Variants in MYO1E observed in about 807,000 individuals in gnomAD.
MYO1E encodes myosin IE, also known as unconventional myosin-Ie.
MYO1E carries 68 observed loss-of-function variants against 151.1 expected under a neutral mutation model. The observed-to-expected ratio is 0.45, with a 90% confidence interval of 0.37 to 0.55. MYO1E has a LOEUF of 0.55. Among genes scored for constraint, MYO1E ranks in the 20% least tolerant of loss-of-function variants. MYO1E has a pLI of 0.00. For missense variants in MYO1E, 1,363 were observed against 1,389.3 expected, an observed-to-expected ratio of 0.98 and a Z score of 0.30; for synonymous variants, 601 against 501.7, an observed-to-expected ratio of 1.20 and a Z score of -2.64.
chr15:59,166,859 CTT>C (rs779948738), intron 22 of MYO1E, among the ~76,000 whole-genome samples: 4 of 152,300 alleles, frequency 2.6e-5, no homozygotes, highest in South Asian at 2.1e-4. Context: ...ACTCTCCTCT[CTT>C]GTGTCCCAGG....
intron 1 of MYO1E, chr15:59,359,861 G>A (rs1397977550): frequency 2.0e-5 from 3 of 152,120 alleles, no homozygotes; most frequent in Admixed American, 6.6e-5. Flanking sequence ...ATAAAACAAA[G>A]CCACTCCTAT....
intron 22 of MYO1E, among the ~76,000 whole-genome samples, 194 bp downstream of exon 22, chr15:59,171,703 C>T (rs2079595741): frequency 6.6e-6 from 1 of 152,184 alleles, no homozygotes; most frequent in Non-Finnish European, 1.5e-5. Context: ...TTTCTTGGTA[C>T]CTTCTTCCTG....
rs1160108093 is a variant in MYO1E, at chr15:59,137,226, C to A, written c.*154G>T. 20 of 725,584 alleles carry A rather than the reference C, an allele frequency of 2.8e-5. No individual in the cohort carries two copies. The highest frequency in any genetic ancestry group is 2.6e-4 in the African/African-American group (15 of 57,532). The allele number at this position is 725,584 out of a possible 1,614,324, so 44.9% of individuals were successfully genotyped here. ...TGATACTCCCTGTCCCCAACCCAGC[C>A]TTTTCAGTGTCCTCCATGGGGAAGG... is the stretch of plus-strand genomic sequence containing the variant. On this transcript the variant is annotated 3_prime_UTR_variant, in exon 28 of 28. Transcript: ENST00000288235.
At chr15:59,156,819 G>C (rs548621096) in intron 25 of MYO1E, among the ~76,000 whole-genome samples, 1 of 152,330 alleles carries the variant, frequency 6.6e-6, no homozygotes, top group Admixed American at 6.5e-5. Context: ...AACATTAAAA[G>C]ATTTTATGTA....
chr15:59,216,501 C>G (rs2079915133), intron 10 of MYO1E, among the ~76,000 whole-genome samples: 1 of 150,764 alleles, frequency 6.6e-6, no homozygotes, highest in Non-Finnish European at 1.5e-5. Flanking sequence ...ACTGGCAGCT[C>G]TACACTGCTG....
intron 1 of MYO1E, among the ~76,000 whole-genome samples, chr15:59,305,892 C>T (rs2080511953): frequency 6.6e-6 from 1 of 152,048 alleles, no homozygotes; most frequent in African/African-American, 2.4e-5. Flanking sequence ...CACTGGGGGC[C>T]CATAAGGATG....
chr15:59,217,350 T>C (rs528772517), intron 10 of MYO1E, among the ~76,000 whole-genome samples: 1 of 151,988 alleles, frequency 6.6e-6, no homozygotes, highest in East Asian at 1.9e-4. Flanking sequence ...TACTAAATAT[T>C]TTGTCCAGAA....
Position 59,235,546 on chromosome 15 carries a change from T to A in MYO1E, c.420+1039A>T, listed in dbSNP as rs567981859. Among the ~76,000 whole-genome samples the A allele has an allele frequency of 8.9e-4, 135 of 152,362 alleles. 1 individual carries two copies. The highest frequency in any genetic ancestry group is 3.1e-3 in the African/African-American group (128 of 41,576). On this transcript the variant is annotated intron_variant, in intron 5 of 27. Coordinates refer to ENST00000288235, the MANE Select transcript of MYO1E (RefSeq NM_004998.4). ...TATTGCTGTATAATATTCTATTATA[T>A]AAAGAACCACAAATTATTTCACCAG...
intron 1 of MYO1E, among the ~76,000 whole-genome samples, chr15:59,326,671 T>G (rs1279511522): frequency 6.6e-6 from 1 of 152,256 alleles, no homozygotes; most frequent in African/African-American, 2.4e-5. Flanking sequence ...AGATTTACAT[T>G]TTCATGATTT....
At chr15:59,176,819 G>A (rs888891994) in intron 19 of MYO1E, among the ~76,000 whole-genome samples, 14 of 152,112 alleles carry the variant, frequency 9.2e-5, no homozygotes, top group African/African-American at 2.9e-4. Flanking sequence ...GGATGTATGC[G>A]TTTGGGGCAG....
At chr15:59,257,122 T>A (rs2080198095) in intron 3 of MYO1E, among the ~76,000 whole-genome samples, 1 of 152,250 alleles carries the variant, frequency 6.6e-6, no homozygotes, top group African/African-American at 2.4e-5. Flanking sequence ...ACTTCAGCCC[T>A]GCTTTATACA....
chr15:59,238,477 TA>T, intron 4 of MYO1E, among the ~76,000 whole-genome samples: 1 of 152,368 alleles, frequency 6.6e-6, no homozygotes, highest in South Asian at 2.1e-4. Flanking sequence ...GAAGATACTA[TA>T]TTTATAACAA....
chr15:59,259,086 C>G (rs2080210858), intron 3 of MYO1E, among the ~76,000 whole-genome samples: 1 of 152,126 alleles, frequency 6.6e-6, no homozygotes, highest in African/African-American at 2.4e-5. Context: ...CATGAGCCAC[C>G]ATGCCCAGTC....
At chr15:59,147,974 C>G (rs2079452082) in intron 26 of MYO1E, among the ~76,000 whole-genome samples, 1 of 152,162 alleles carries the variant, frequency 6.6e-6, no homozygotes, top group Non-Finnish European at 1.5e-5. Context: ...GGCCAGGAAA[C>G]ATCACCTTTC....
At chr15:59,224,202 T>G (rs922971022) in intron 8 of MYO1E, among the ~76,000 whole-genome samples, 10 of 152,154 alleles carry the variant, frequency 6.6e-5, no homozygotes, top group African/African-American at 2.4e-4. Context: ...ATACATGCAA[T>G]GTGAAGGGCA....
At chr15:59,157,691 TGAAAG>T (rs1323241540) in intron 25 of MYO1E, among the ~76,000 whole-genome samples, 4 of 149,040 alleles carry the variant, frequency 2.7e-5, no homozygotes, top group African/African-American at 7.8e-5. Flanking sequence ...TTCCTTTAAG[TGAAAG>T]CGCTTCCTTT....
intron 26 of MYO1E, among the ~76,000 whole-genome samples, chr15:59,142,944 G>T (rs1445617480): frequency 4.2e-5 from 6 of 142,034 alleles, no homozygotes; most frequent in Non-Finnish European, 9.2e-5. Flanking sequence ...AAAAAAAAAG[G>T]CGTCTAGATT....
chr15:59,286,117 C>A (rs1435498241), intron 1 of MYO1E, among the ~76,000 whole-genome samples: 2 of 152,184 alleles, frequency 1.3e-5, no homozygotes, highest in Non-Finnish European at 2.9e-5. Flanking sequence ...CAAAGAAACT[C>A]TAATTTAAAT....
rs139003483 is a variant in MYO1E, at chr15:59,293,460, C to T, written c.4-21011G>A. ...ACTTGGGAGACCAAGGCAGGAGAAT[C>T]GCTTGAACCTGGGAGGTGGAGGTTG... On this transcript the variant is annotated intron_variant, in intron 1 of 27. Coordinates refer to ENST00000288235, the MANE Select transcript of MYO1E (RefSeq NM_004998.4). Among the ~76,000 whole-genome samples the T allele has an allele frequency of 2.6e-3, 393 of 151,816 alleles. 4 individuals are homozygous for T. Among genetic ancestry groups the T allele is most frequent in the African/African-American group, 9.2e-3 (379 of 41,360 alleles).
Sources: allele counts gnomAD v4.1 joint callset (sites outside exome capture counted in the v4.1 genomes callset), GRCh38; gene constraint gnomAD v4.1.1; transcripts MANE v1.5; gene names NCBI Gene and HGNC (gene_info 2026-07-23, HGNC 2026-07-21).